Variants in DENND5A observed in about 807,000 individuals in gnomAD.
DENND5A encodes DENN domain containing 5A.
In DENND5A, 64 loss-of-function variants were observed where a neutral mutation model predicts 140.3. That is an observed-to-expected ratio of 0.46 (90% confidence interval 0.37 to 0.56). DENND5A has a LOEUF of 0.56. DENND5A is among the 20% of genes least tolerant of loss of function. The pLI, the probability that DENND5A is intolerant of heterozygous loss-of-function variation, is 0.00. For synonymous variants in DENND5A, 605 were observed against 607.7 expected, an observed-to-expected ratio of 1.00 and a Z score of 0.07; for missense variants, 1,292 against 1,593.8, an observed-to-expected ratio of 0.81 and a Z score of 3.22.
chr11:9,236,599 C>T (rs11042231), intron 1 of DENND5A, among the ~76,000 whole-genome samples: 24,804 of 151,774 alleles, frequency 0.16, 2,242 homozygotes, highest in Non-Finnish European at 0.21. Flanking sequence ...ATGGAAGACA[C>T]AAGCTAGGCA....
At chr11:9,248,327 G>A (rs905646509) in intron 1 of DENND5A, among the ~76,000 whole-genome samples, 36 of 152,046 alleles carry the variant, frequency 2.4e-4, no homozygotes, top group African/African-American at 8.2e-4. Flanking sequence ...TCAGTCTTAT[G>A]ATCTCCATTT....
rs762192847 is a variant in DENND5A, at chr11:9,184,210, G to A, written c.1138-3126C>T. Among the ~76,000 whole-genome samples the A allele has an allele frequency of 7.9e-5, 12 of 152,150 alleles. No homozygotes were observed. In the South Asian group the frequency reaches 1.7e-3, roughly 21 times the overall value. The stretch of plus-strand genomic sequence containing the variant: ...TACTAAAAATGCAAAAAAATTAGCC[G>A]GGCGTGGTGGCGGGTGCCTATAGTC... On this transcript the variant is annotated intron_variant, in intron 5 of 22. Coordinates refer to ENST00000328194, the MANE Select transcript of DENND5A (RefSeq NM_015213.4).
At chr11:9,205,847 A>T (rs1849676759) in intron 3 of DENND5A, among the ~76,000 whole-genome samples, 1 of 152,194 alleles carries the variant, frequency 6.6e-6, no homozygotes, top group Non-Finnish European at 1.5e-5. Context: ...CAGTGAGGCA[A>T]GATCACACCA....
intron 1 of DENND5A, among the ~76,000 whole-genome samples, chr11:9,249,645 T>A (rs186496103): frequency 1.3e-5 from 2 of 152,182 alleles, no homozygotes; most frequent in Admixed American, 6.6e-5. Context: ...GCCTCCAGGT[T>A]CGAGCAATTC....
chr11:9,154,291 C>T (rs77431539), intron 12 of DENND5A, among the ~76,000 whole-genome samples: 3,542 of 152,116 alleles, frequency 0.023, 153 homozygotes, highest in African/African-American at 0.081. Flanking sequence ...GAGGTCACAC[C>T]GTTAGTAAGC....
chr11:9,196,594 T>C (rs998062920), intron 4 of DENND5A, among the ~76,000 whole-genome samples: 1 of 152,080 alleles, frequency 6.6e-6, no homozygotes, highest in East Asian at 1.9e-4. Flanking sequence ...AATGCCTTTT[T>C]TCAAATTTTA....
rs1170923620 is a variant in DENND5A at position 9,139,491 on chromosome 11, C to T, written c.*180G>A. On this transcript the variant is annotated 3_prime_UTR_variant, in exon 23 of 23. Coordinates refer to ENST00000328194, the MANE Select transcript of DENND5A (RefSeq NM_015213.4). ...CTTTCACATGAAAGTGTGTAAAAAG[C>T]AAATCAGCAAATAAACTCTAAAATA... is the stretch of plus-strand genomic sequence containing the variant. 28 of 629,408 alleles carry T rather than the reference C, an allele frequency of 4.4e-5. 1 individual carries two copies. Among genetic ancestry groups the T allele is most frequent in the Middle Eastern group, 8.8e-4 (2 of 2,262 alleles). The allele number at this position is 629,408 out of a possible 1,614,324, so 39.0% of individuals were successfully genotyped here. A position where few individuals can be genotyped will look rare whatever the true frequency, so the allele number is the denominator to read the frequency against.
intron 1 of DENND5A, among the ~76,000 whole-genome samples, chr11:9,215,084 G>C (rs1850036914): frequency 6.6e-6 from 1 of 152,034 alleles, no homozygotes; most frequent in African/African-American, 2.4e-5. Flanking sequence ...TGCTTACCAG[G>C]CTTTTCAATG....
At chr11:9,186,105 A>G (rs1395901425) in intron 5 of DENND5A, among the ~76,000 whole-genome samples, 1 of 152,246 alleles carries the variant, frequency 6.6e-6, no homozygotes, top group Admixed American at 6.5e-5. Context: ...TGCTGAGTGC[A>G]TAAATTACTC....
chr11:9,215,154 T>A (rs563611142), intron 1 of DENND5A, among the ~76,000 whole-genome samples: 2 of 152,342 alleles, frequency 1.3e-5, no homozygotes, highest in South Asian at 4.1e-4. Context: ...TCACTCTCTT[T>A]CTCAATACAT....
chr11:9,141,914 C>T, intron 22 of DENND5A, 26 bp downstream of exon 22: 1 of 1,550,442 alleles, frequency 6.4e-7, no homozygotes, highest in Non-Finnish European at 8.7e-7. Flanking sequence ...AACCGCTGTG[C>T]ACTCTGGGCC....
At chr11:9,155,666 A>G (rs1847777835) in intron 12 of DENND5A, among the ~76,000 whole-genome samples, 1 of 152,252 alleles carries the variant, frequency 6.6e-6, no homozygotes, top group Non-Finnish European at 1.5e-5. Context: ...ATTCTACAAG[A>G]ATGTCATAAG....
chr11:9,216,085 T>G (rs1850083377), intron 1 of DENND5A, among the ~76,000 whole-genome samples: 1 of 152,208 alleles, frequency 6.6e-6, no homozygotes, highest in Admixed American at 6.5e-5. Context: ...CAGCCTAAAT[T>G]AAGTCTGAGC....
intron 8 of DENND5A, 103 bp from the exon 9 acceptor site, chr11:9,170,880 T>G (rs756997630): frequency 6.5e-7 from 1 of 1,548,332 alleles, no homozygotes; most frequent in Non-Finnish European, 8.7e-7. Flanking sequence ...CTCTTCCATT[T>G]CCAGCCAAGA....
At position 9,256,180 on chromosome 11, in the gene DENND5A, G is replaced by C. The variant is rs142504282; in HGVS notation, c.109+8781C>G. Among the ~76,000 whole-genome samples, 574 of 152,182 alleles carry C rather than the reference G, an allele frequency of 3.8e-3. 6 individuals carry two copies. Among genetic ancestry groups the C allele is most frequent in the African/African-American group, 0.013 (554 of 41,536 alleles). Reference sequence around the variant, plus strand: ...TTATTCAAAACAATCAAAAACTGAAGGCCGGGCACGGTGGCTTGTGCCTGT... The same window carrying C: ...TTATTCAAAACAATCAAAAACTGAACGCCGGGCACGGTGGCTTGTGCCTGT... On this transcript the variant is annotated intron_variant, in intron 1 of 22. Coordinates refer to ENST00000328194, the MANE Select transcript of DENND5A (RefSeq NM_015213.4).
chr11:9,209,909 C>A (rs767229352), intron 1 of DENND5A, among the ~76,000 whole-genome samples: 1 of 152,064 alleles, frequency 6.6e-6, no homozygotes, highest in Non-Finnish European at 1.5e-5. Flanking sequence ...AGTTACAAAC[C>A]AGCCTGGCCA....
At chr11:9,168,935 T>C (rs1014310988) in intron 10 of DENND5A, among the ~76,000 whole-genome samples, 2 of 152,180 alleles carry the variant, frequency 1.3e-5, no homozygotes, top group Non-Finnish European at 2.9e-5. Context: ...CTGAAGTTTA[T>C]AACTAGAAAC....
chr11:9,246,140 T>C (rs1851462422), intron 1 of DENND5A, among the ~76,000 whole-genome samples: 1 of 152,098 alleles, frequency 6.6e-6, no homozygotes, highest in South Asian at 2.1e-4. Flanking sequence ...GCCCTAGAAG[T>C]GACTGAGCAA....
chr11:9,158,201 T>C (rs866183478), intron 12 of DENND5A, among the ~76,000 whole-genome samples: 4 of 152,282 alleles, frequency 2.6e-5, no homozygotes, highest in East Asian at 3.9e-4. Context: ...CTTAGTGCTT[T>C]ACATTAATTA....
Sources: gnomAD v4.1 joint callset for allele counts (sites outside exome capture counted in the v4.1 genomes callset) on GRCh38, gnomAD v4.1.1 for gene constraint, MANE v1.5 for transcripts, NCBI Gene and HGNC (gene_info 2026-07-23, HGNC 2026-07-21) for gene names.